The following PIM1 variants were observed in gnomAD, a reference collection of about 807,000 sequenced individuals.
The protein encoded by PIM1 is Pim-1 proto-oncogene, serine/threonine kinase.
PIM1 carries 9 observed loss-of-function variants against 34.5 expected under a neutral mutation model. That is an observed-to-expected ratio of 0.26 (90% CI 0.16 to 0.46). The LOEUF (loss-of-function observed/expected upper bound fraction) is 0.46, where lower values mean the gene tolerates loss of function less well. PIM1 is among the 20% of genes least tolerant of loss of function. PIM1 has a pLI of 1.00. For synonymous variants in PIM1, 199 were observed against 175.2 expected (o/e 1.14, Z -1.07); for missense variants, 274 against 410.9 (o/e 0.67, Z 2.88).
intron 1 of PIM1, 32 bp downstream of exon 1, chr6:37,170,689 T>TGCGGG (rs746865842): frequency 6.2e-7 from 1 of 1,605,922 alleles, no homozygotes; most frequent in East Asian, 2.2e-5. Flanking sequence ...GGCCCGGGGA[T>TGCGGG]GCGGGGCGGC....
chr6:37,173,533 A>G (rs1762345823), intron 5 of PIM1, among the ~76,000 whole-genome samples: 1 of 152,250 alleles, frequency 6.6e-6, no homozygotes, highest in African/African-American at 2.4e-5. Context: ...CAGCAGCTCC[A>G]AATATTTTGG....
At position 37,170,501 on chromosome 6, in the gene PIM1, C is replaced by G; in HGVS notation, c.-75C>G. 1 of 1,598,260 alleles carries G rather than the reference C, an allele frequency of 6.3e-7. No homozygotes were observed. The highest frequency in any genetic ancestry group is 8.5e-7 in the Non-Finnish European group (1 of 1,175,306). ...CAGCCACAGCCCCAGGCATAGCCTT[C>G]GGCACAGCCCCGGCTCCGGCTCCTG... On this transcript the variant is annotated 5_prime_UTR_variant, in exon 1 of 6. Coordinates refer to ENST00000373509, the MANE Select transcript of PIM1 (RefSeq NM_002648.4).
chr6:37,170,949 G>A (rs1561982948), intron 2 of PIM1, 32 bp from the exon 3 acceptor site: 1 of 1,613,918 alleles, frequency 6.2e-7, no homozygotes, highest in Non-Finnish European at 8.5e-7. Context: ...TAGCCCGGAC[G>A]AGGGAACCTG....
At position 37,171,232 on chromosome 6, in the gene PIM1, C is replaced by A; in HGVS notation, c.348C>A (p.Phe116Leu). 1 of 1,614,090 alleles carries A rather than the reference C, an allele frequency of 6.2e-7. No homozygotes were observed. Among genetic ancestry groups the A allele is most frequent in the Non-Finnish European group, 8.5e-7 (1 of 1,180,050 alleles). The change falls in exon 4 of 6, where the codon TTC becomes TTA. Residue 116 changes from phenylalanine to leucine, a missense_variant. Physicochemically the swap from Phe to Leu is conservative, Grantham distance 22. Transcript: ENST00000373509. Reference protein sequence around the residue: ...LLDWFERPDSFVLILERPEPV... With the variant: ...LLDWFERPDSLVLILERPEPV... ...ACTGGTTCGAGAGGCCCGACAGTTT[C>A]GTCCTGATCCTGGAGAGGCCCGAGC...
Position 37,170,306 on chromosome 6 carries a change from C to T in PIM1, c.-270C>T. On this transcript the variant is annotated 5_prime_UTR_variant, in exon 1 of 6. Transcript: ENST00000373509. ...ACTAGCCTCCTGCCCCGCGGCGCTG[C>T]CGCACGAGCCCCACGAGCCGCTCAC... 6.9e-7 allele frequency: 1 copy of T among 1,438,888 alleles called. No homozygotes were observed. The highest frequency in any genetic ancestry group is 9.1e-7 in the Non-Finnish European group (1 of 1,100,686). 89.1% of individuals were successfully genotyped at this position (1,438,888 alleles called of 1,614,324 possible).
chr6:37,171,824 G>C (rs955803790), intron 4 of PIM1, among the ~76,000 whole-genome samples: 3 of 152,200 alleles, frequency 2.0e-5, no homozygotes, highest in Non-Finnish European at 2.9e-5. Flanking sequence ...TAAAAGGATG[G>C]GGGCGGGGGA....
At chr6:37,172,901 T>C (rs1762331386) in intron 4 of PIM1, 95 bp from the exon 5 acceptor site, 1 of 1,091,776 alleles carries the variant, frequency 9.2e-7, no homozygotes. Flanking sequence ...GGGATTTTTT[T>C]TTTTTTTAAA....
At chr6:37,170,721 A>T (rs1406594620) in intron 1 of PIM1, 52 bp from the exon 2 acceptor site, 2 of 1,605,938 alleles carry the variant, frequency 1.2e-6, no homozygotes, top group Non-Finnish European at 1.7e-6. Flanking sequence ...CTGGGTGGGG[A>T]GCTGGCGGCT....
intron 4 of PIM1, 25 bp from the exon 5 acceptor site, chr6:37,172,971 T>C (rs746218008): frequency 1.2e-6 from 2 of 1,608,268 alleles, no homozygotes; most frequent in East Asian, 4.5e-5. Context: ...AAGTGTGTTT[T>C]CTCTTCTATT....
intron 1 of PIM1, 56 bp from the exon 2 acceptor site, chr6:37,170,717 G>A (rs1762261017): frequency 6.2e-7 from 1 of 1,607,170 alleles, no homozygotes; most frequent in African/African-American, 1.3e-5. Flanking sequence ...TCTCCTGGGT[G>A]GGGAGCTGGC....
At position 37,171,215 on chromosome 6, in the gene PIM1, G is replaced by C. The variant is rs767270626; in HGVS notation, c.331G>C (p.Glu111Gln). The change falls in exon 4 of 6, where the codon GAG (glutamate) becomes CAG (glutamine). Residue 111 changes from glutamate (E) to glutamine (Q), a missense_variant. Glu to Gln is a conservative substitution (Grantham distance 29, BLOSUM62 2). This residue lies in a region of PIM1 where 168 missense variants were observed against 299.4 expected (regional missense o/e 0.56). Transcript: ENST00000373509. ...SGVIRLLDWF[E>Q]RPDSFVLILE... The stretch of plus-strand genomic sequence containing the variant: ...CGTCATTAGGCTCCTGGACTGGTTC[G>C]AGAGGCCCGACAGTTTCGTCCTGAT... The C allele has an allele frequency of 6.2e-6, 10 of 1,613,966 alleles. No homozygotes were observed. The highest frequency in any genetic ancestry group is 8.5e-6 in the Non-Finnish European group (10 of 1,180,030).
chr6:37,170,516 T>A lies in PIM1; in HGVS notation c.-60T>A. 1 of 1,607,292 alleles carries A rather than the reference T, an allele frequency of 6.2e-7. No individual in the cohort carries two copies. Among genetic ancestry groups the A allele is most frequent in the Non-Finnish European group, 8.5e-7 (1 of 1,178,438 alleles). On this transcript the variant is annotated 5_prime_UTR_variant, in exon 1 of 6. Transcript: ENST00000373509. ...GCATAGCCTTCGGCACAGCCCCGGCTCCGGCTCCTGCGGCAGCTCCTCTGG... is the reference window on the plus strand; with the variant it reads ...GCATAGCCTTCGGCACAGCCCCGGCACCGGCTCCTGCGGCAGCTCCTCTGG...
intron 5 of PIM1, among the ~76,000 whole-genome samples, chr6:37,173,684 G>A (rs1762348264): frequency 6.6e-6 from 1 of 152,146 alleles, no homozygotes; most frequent in Non-Finnish European, 1.5e-5. Context: ...TTGTGGGAAA[G>A]GCCCCCACTA....
At chr6:37,170,729 G>A (rs771385612) in intron 1 of PIM1, 44 bp from the exon 2 acceptor site, 1 of 1,605,130 alleles carries the variant, frequency 6.2e-7, no homozygotes. Flanking sequence ...GGAGCTGGCG[G>A]CTCGCGGGCC....
chr6:37,172,322 C>T (rs1229061789), intron 4 of PIM1: 1 of 304,636 alleles, frequency 3.3e-6, no homozygotes, highest in Non-Finnish European at 6.5e-6. Flanking sequence ...CGGGTCCTCC[C>T]ATGTTTTTTC....
In PIM1 at chr6:37,174,023, G is replaced by A. The variant is rs766777734; in HGVS notation, c.874G>A (p.Asp292Asn). The change falls in exon 6 of 6, where the codon GAT becomes AAT. Residue 292 changes from aspartate to asparagine, a missense_variant. Around this residue, in one of 2 missense-constraint regions of PIM1, gnomAD observed 168 missense variants for 299.4 expected, o/e 0.56. Coordinates refer to ENST00000373509, the MANE Select transcript of PIM1 (RefSeq NM_002648.4). ...AATCCAGAACCATCCATGGATGCAA[G>A]ATGTTCTCCTGCCCCAGGAAACTGC... ...EEIQNHPWMQ[D>N]VLLPQETAEI... 4 of 1,613,990 alleles carry A rather than the reference G, an allele frequency of 2.5e-6. No individual in the cohort carries two copies. In the African/African-American group the frequency reaches 5.3e-5, roughly 22 times the overall value.
chr6:37,172,794 G>GGT, intron 4 of PIM1: 1 of 687,058 alleles, frequency 1.5e-6, no homozygotes, highest in South Asian at 1.5e-5. Context: ...CTAGCAGAGA[G>GGT]GTGGGTAATG....
Position 37,170,753 on chromosome 6 carries a change from C to A in PIM1, c.83-20C>A, listed in dbSNP as rs755961427. 3.1e-6 allele frequency: 5 copies of A among 1,610,558 alleles called. No individual in the cohort carries two copies. Among genetic ancestry groups the A allele is most frequent in the Non-Finnish European group, 4.2e-6 (5 of 1,178,936 alleles). ...GGCTCGCGGGCCGGCACTGAGTCCC[C>A]GTGCTTCCCCCTTTCCTAGGCAAGG... On this transcript the variant is annotated intron_variant, in intron 1 of 5. Transcript: ENST00000373509.
At chr6:37,173,782 C>T (rs555671475) in intron 5 of PIM1, 152 bp from the exon 6 acceptor site, 171 of 575,638 alleles carry the variant, frequency 3.0e-4, no homozygotes, top group Non-Finnish European at 4.8e-4. Context: ...CAATACCTTC[C>T]TATTGAAGGG....
Sources: allele counts gnomAD v4.1 joint callset (sites outside exome capture counted in the v4.1 genomes callset), GRCh38; gene constraint gnomAD v4.1.1; regional missense constraint gnomAD v4.1.1; transcripts MANE v1.5; gene names NCBI Gene and HGNC (gene_info 2026-07-23, HGNC 2026-07-21).